Variants in ADCY10 observed in about 807,000 individuals in gnomAD.
The protein encoded by ADCY10 is adenylate cyclase type 10.
ADCY10 carries 156 observed loss-of-function variants against 183.3 expected under a neutral mutation model. The observed-to-expected ratio is 0.85, with a 90% CI of 0.75 to 0.97. The LOEUF (loss-of-function observed/expected upper bound fraction) is 0.97, where lower values mean the gene tolerates loss of function less well. Ranked by LOEUF, ADCY10 falls within the 50% of genes least tolerant of loss-of-function variation. The probability of loss-of-function intolerance (pLI) is 0.00; values close to 1 mark genes in which losing one functional copy is unlikely to be tolerated. For missense variants in ADCY10, 1,745 were observed against 1,934.3 expected, an observed-to-expected ratio of 0.90 and a Z score of 1.84; for synonymous variants, 645 against 670.0, an observed-to-expected ratio of 0.96 and a Z score of 0.58.
chr1:167,898,875 T>C (rs1053596582), intron 6 of ADCY10, among the ~76,000 whole-genome samples: 2 of 152,168 alleles, frequency 1.3e-5, no homozygotes, highest in African/African-American at 4.8e-5. Flanking sequence ...AAAGCACAGC[T>C]TTTTTAATTG....
chr1:167,913,249 T>C (rs1047509382), intron 1 of ADCY10, among the ~76,000 whole-genome samples: 1 of 151,914 alleles, frequency 6.6e-6, no homozygotes, highest in African/African-American at 2.4e-5. Context: ...GAATGCGGAG[T>C]GTGAGTAAAG....
chr1:167,902,103 G>C (rs1391403076), intron 3 of ADCY10, 49 bp from the exon 4 acceptor site: 3 of 1,542,884 alleles, frequency 1.9e-6, no homozygotes, highest in African/African-American at 2.7e-5. Flanking sequence ...CTTAAAGGTA[G>C]TAAAAAAACA....
rs74486783 is a variant in ADCY10 at position 167,810,628 on chromosome 1, A to C, written c.4671+97T>G. 91,647 of 1,141,038 alleles carry C rather than the reference A, an allele frequency of 0.08. 4,170 individuals are homozygous for C. Among genetic ancestry groups the C allele is most frequent in the South Asian group, 0.14 (10,772 of 77,244 alleles). The allele number at this position is 1,141,038 out of a possible 1,614,324, so 70.7% of individuals were successfully genotyped here. On this transcript the variant is annotated intron_variant, in intron 32 of 32. Transcript: ENST00000367851. ...ATGACCCAGTCTAAGATATTTTGTT[A>C]ATGGCAGCCTGGTGAAACCTAACCA...
intron 26 of ADCY10, among the ~76,000 whole-genome samples, chr1:167,829,066 G>A (rs1195826408): frequency 3.3e-5 from 5 of 151,980 alleles, no homozygotes; most frequent in South Asian, 4.1e-4. Context: ...AAAGCTATTC[G>A]GGATCTTCAA....
intron 26 of ADCY10, among the ~76,000 whole-genome samples, chr1:167,827,175 T>C (rs540341210): frequency 6.6e-6 from 1 of 151,910 alleles, no homozygotes; most frequent in East Asian, 1.9e-4. Flanking sequence ...TGTACTTTTT[T>C]TTTTTTTCCT....
chr1:167,853,724 T>G (rs10127791), intron 18 of ADCY10, among the ~76,000 whole-genome samples: 12,911 of 152,006 alleles, frequency 0.085, 1,408 homozygotes, highest in African/African-American at 0.26. Context: ...TACTAGCAAT[T>G]TTACCTCTGG....
chr1:167,898,773 C>T (rs756990800), intron 6 of ADCY10, among the ~76,000 whole-genome samples: 3 of 152,122 alleles, frequency 2.0e-5, no homozygotes, highest in Non-Finnish European at 2.9e-5. Context: ...CCAGCATCTG[C>T]ACGGATTCTC....
At chr1:167,840,355 A>G (rs1664526874) in intron 21 of ADCY10, among the ~76,000 whole-genome samples, 1 of 96,222 alleles carries the variant, frequency 1.0e-5, no homozygotes, top group Non-Finnish European at 2.0e-5. Flanking sequence ...GGTGAATCAT[A>G]TTATTATTAC....
intron 14 of ADCY10, among the ~76,000 whole-genome samples, chr1:167,863,469 T>C (rs886365402): frequency 6.6e-6 from 1 of 151,954 alleles, no homozygotes. Flanking sequence ...TCAGACGAGC[T>C]CGGATTTTGA....
At chr1:167,859,380 G>A (rs987689406) in intron 16 of ADCY10, among the ~76,000 whole-genome samples, 5 of 152,136 alleles carry the variant, frequency 3.3e-5, no homozygotes, top group East Asian at 1.9e-4. Flanking sequence ...AGTGAGCTAC[G>A]TACTATTATT....
chr1:167,879,319 A>G (rs1484704566), intron 11 of ADCY10, among the ~76,000 whole-genome samples: 1 of 152,224 alleles, frequency 6.6e-6, no homozygotes, highest in Non-Finnish European at 1.5e-5. Context: ...ATCACTTTCA[A>G]CAGCAGCTGG....
At chr1:167,849,906 C>A (rs969745453) in intron 18 of ADCY10, among the ~76,000 whole-genome samples, 1 of 152,102 alleles carries the variant, frequency 6.6e-6, no homozygotes, top group Admixed American at 6.5e-5. Flanking sequence ...AGCGGCCCAG[C>A]GTGACTAAAG....
chr1:167,834,536 T>A (rs1260009114), intron 23 of ADCY10: 1 of 252,410 alleles, frequency 4.0e-6, no homozygotes, highest in Non-Finnish European at 7.8e-6. Context: ...CAGGGTCATT[T>A]TGGGAGGTGG....
intron 12 of ADCY10, among the ~76,000 whole-genome samples, chr1:167,877,841 G>C (rs1667585085): frequency 6.6e-6 from 1 of 152,184 alleles, no homozygotes; most frequent in African/African-American, 2.4e-5. Flanking sequence ...GATTAGGTGG[G>C]TGCTGATGAG....
chr1:167,910,174 C>A (rs895600819), intron 1 of ADCY10, among the ~76,000 whole-genome samples: 1 of 152,188 alleles, frequency 6.6e-6, no homozygotes, highest in Non-Finnish European at 1.5e-5. Flanking sequence ...GTCTGTGGCT[C>A]GTCCTGCTAC....
At chr1:167,908,408 G>A (rs1313537033) in intron 1 of ADCY10, among the ~76,000 whole-genome samples, 2 of 152,080 alleles carry the variant, frequency 1.3e-5, no homozygotes, top group South Asian at 2.1e-4. Context: ...GGTTGGGTGG[G>A]TGGAATGAGA....
intron 3 of ADCY10, among the ~76,000 whole-genome samples, chr1:167,902,664 T>G (rs1669517575): frequency 1.3e-5 from 2 of 152,234 alleles, no homozygotes; most frequent in African/African-American, 2.4e-5. Flanking sequence ...GCATTAAATT[T>G]TGTCTAGTGG....
rs889304164 is a variant in ADCY10, at chr1:167,837,445, C to T, written c.3008-127G>A. On this transcript the variant is annotated intron_variant, in intron 21 of 32. Coordinates refer to ENST00000367851, the MANE Select transcript of ADCY10 (RefSeq NM_018417.6). ...GCTGCCCAGCCAGAAACCACATTGCCTAGTCCCCATTGTATCTTAGGTGAA... is the reference window on the plus strand; with the variant it reads ...GCTGCCCAGCCAGAAACCACATTGCTTAGTCCCCATTGTATCTTAGGTGAA... The T allele has an allele frequency of 6.4e-6, 5 of 783,602 alleles. No individual in the cohort carries two copies. The African/African-American group carries it at 6.8e-5, about 11-fold the overall frequency. The allele number at this position is 783,602 out of a possible 1,614,324, so 48.5% of individuals were successfully genotyped here. A position where few individuals can be genotyped will look rare whatever the true frequency, so the allele number is the denominator to read the frequency against.
At chr1:167,867,695 C>T (rs1666804575) in intron 14 of ADCY10, among the ~76,000 whole-genome samples, 1 of 152,060 alleles carries the variant, frequency 6.6e-6, no homozygotes, top group African/African-American at 2.4e-5. Flanking sequence ...AAAGAGGGAT[C>T]CCCAAGCATG....
Sources: gnomAD v4.1 joint callset for allele counts (sites outside exome capture counted in the v4.1 genomes callset) on GRCh38, gnomAD v4.1.1 for gene constraint, MANE v1.5 for transcripts, NCBI Gene and HGNC (gene_info 2026-07-23, HGNC 2026-07-21) for gene names.